The following ZFHX4 variants were observed in gnomAD, a reference collection of about 807,000 sequenced individuals.
ZFHX4 encodes the protein zinc finger homeobox protein 4.
A neutral mutation model predicts 267.6 loss-of-function variants in ZFHX4; 56 were observed. That is an observed-to-expected ratio of 0.21 (90% confidence interval 0.17 to 0.26). The LOEUF (loss-of-function observed/expected upper bound fraction) is 0.26, where lower values mean the gene tolerates loss of function less well. Ranked by LOEUF, ZFHX4 falls within the 10% of genes least tolerant of loss-of-function variation. The pLI, the probability that ZFHX4 is intolerant of heterozygous loss-of-function variation, is 1.00. For synonymous variants in ZFHX4, 1,778 were observed against 1,665.6 expected, an observed-to-expected ratio of 1.07 and a Z score of -1.64; for missense variants, 4,332 against 4,420.0, an observed-to-expected ratio of 0.98 and a Z score of 0.56.
chr8:76,835,245 A>ATATATGTATATATATATGTG (rs1195708125), intron 5 of ZFHX4, among the ~76,000 whole-genome samples: 6 of 129,154 alleles, frequency 4.6e-5, no homozygotes, highest in African/African-American at 1.5e-4. Flanking sequence ...ATATATGTAT[A>ATATATGTATATATATATGTG]TATATATATA....
Position 76,855,698 on chromosome 8 carries a change from G to A in ZFHX4, c.8777G>A (p.Arg2926Gln), listed in dbSNP as rs753591562. 6.2e-6 allele frequency: 10 copies of A among 1,613,786 alleles called. No individual in the cohort carries two copies. In the East Asian group the frequency reaches 1.3e-4, roughly 22 times the overall value. Residue 2926 changes from arginine (R) to glutamine (Q), a missense_variant, in exon 10 of 11, where the codon CGG (arginine) becomes CAG (glutamine). Arg to Gln is a conservative substitution (Grantham distance 43, BLOSUM62 1). Transcript: ENST00000651372. ...SNPFKSKSND[R>Q]PGHKRFRTQM... ...CCCTTTAAATCCAAAAGTAATGATC[G>A]GCCGGGTCACAAGCGTTTTCGAACG...
At chr8:76,758,978 A>G (rs1809837821) in intron 3 of ZFHX4, among the ~76,000 whole-genome samples, 1 of 152,228 alleles carries the variant, frequency 6.6e-6, no homozygotes, top group African/African-American at 2.4e-5. Context: ...ATCAGTTTTC[A>G]GTGATACAAT....
chr8:76,713,117 G>A lies in ZFHX4; in HGVS notation c.3093+5069G>A, dbSNP rs1223407628. 2.0e-5 allele frequency among the ~76,000 whole-genome samples: 3 copies of A among 152,066 alleles called. No individual in the cohort carries two copies. The South Asian group carries it at 6.2e-4, about 32-fold the overall frequency. On this transcript the variant is annotated intron_variant, in intron 3 of 10. Coordinates refer to ENST00000651372, the MANE Select transcript of ZFHX4 (RefSeq NM_024721.5). Reference sequence around the variant, plus strand: ...TTAAGCTTGACTTTTGCTGAAGCACGGCTATGTGTTATAACATGGCTACTT... The same window carrying A: ...TTAAGCTTGACTTTTGCTGAAGCACAGCTATGTGTTATAACATGGCTACTT...
Position 76,765,512 on chromosome 8 carries a change from A to C in ZFHX4, c.3094-12696A>C, listed in dbSNP as rs1810029484. On this transcript the variant is annotated intron_variant, in intron 3 of 10. Transcript: ENST00000651372. Reference sequence around the variant, plus strand: ...AGGTTAATATATATTGAATGAAATAAATTTATTTCCCCAATAAATGGCCTT... The same window carrying C: ...AGGTTAATATATATTGAATGAAATACATTTATTTCCCCAATAAATGGCCTT... Among the ~76,000 whole-genome samples, 2 of 152,134 alleles carry C rather than the reference A, an allele frequency of 1.3e-5. 1 individual carries two copies. Among genetic ancestry groups the C allele is most frequent in the Admixed American group, 1.3e-4 (2 of 15,256 alleles).
At chr8:76,850,470 G>C in intron 9 of ZFHX4, 108 bp downstream of exon 9, 1 of 904,778 alleles carries the variant, frequency 1.1e-6, no homozygotes. Context: ...AAGCATAGGG[G>C]AAAAATGTAT....
chr8:76,852,602 C>T lies in ZFHX4; in HGVS notation c.5681C>T (p.Ser1894Phe). The T allele has an allele frequency of 6.2e-7, 1 of 1,612,216 alleles. No homozygotes were observed. The highest frequency in any genetic ancestry group is 8.5e-7 in the Non-Finnish European group (1 of 1,178,958). ...AAGAAGCAAAAATCCTTGGAACCAT[C>T]CATCCCACCACCCCGAATAGCTTCA... ...DTKKQKSLEP[S>F]IPPPRIASGA... is the part of the protein sequence containing the mutation. Residue 1894 changes from serine to phenylalanine, a missense_variant, in exon 10 of 11, where the codon TCC (serine) becomes TTC (phenylalanine). Transcript: ENST00000651372.
At chr8:76,752,728 A>G (rs1686222997) in intron 3 of ZFHX4, among the ~76,000 whole-genome samples, 1 of 152,046 alleles carries the variant, frequency 6.6e-6, no homozygotes, top group Non-Finnish European at 1.5e-5. Flanking sequence ...CCCCACATTT[A>G]GCAGTACATA....
intron 3 of ZFHX4, among the ~76,000 whole-genome samples, chr8:76,772,478 G>A (rs1171673209): frequency 6.6e-6 from 1 of 150,568 alleles, no homozygotes; most frequent in Non-Finnish European, 1.5e-5. Context: ...GAGTAAGAGG[G>A]TTAAGAGAGT....
intron 3 of ZFHX4, among the ~76,000 whole-genome samples, chr8:76,761,838 CCT>C (rs1355039624): frequency 6.6e-6 from 1 of 152,122 alleles, no homozygotes. Context: ...AATCTCTTTG[CCT>C]CTGTACATAG....
At chr8:76,839,691 G>T (rs900106311) in intron 5 of ZFHX4, among the ~76,000 whole-genome samples, 1 of 152,048 alleles carries the variant, frequency 6.6e-6, no homozygotes, top group Non-Finnish European at 1.5e-5. Flanking sequence ...AATGAAAACC[G>T]CTTTGGCATC....
intron 5 of ZFHX4, among the ~76,000 whole-genome samples, chr8:76,838,210 C>T (rs151207193): frequency 9.9e-5 from 15 of 152,236 alleles, no homozygotes; most frequent in African/African-American, 2.4e-5. Flanking sequence ...CCAGGAACAT[C>T]GGGCATTACC....
At chr8:76,748,595 C>G (rs1413102697) in intron 3 of ZFHX4, among the ~76,000 whole-genome samples, 2 of 152,154 alleles carry the variant, frequency 1.3e-5, no homozygotes, top group African/African-American at 4.8e-5. Context: ...TCACCATAAC[C>G]TGGCTAGTTT....
At chr8:76,827,270 A>G (rs1413709439) in intron 4 of ZFHX4, among the ~76,000 whole-genome samples, 1 of 152,236 alleles carries the variant, frequency 6.6e-6, no homozygotes, top group African/African-American at 2.4e-5. Context: ...AATAGGGTTC[A>G]TGCTACTGTG....
rs938995756 is a variant in ZFHX4 at position 76,854,794 on chromosome 8, T to C, written c.7873T>C (p.Leu2625=). ...EQLEILYEKY[L]LDSNPTRKML... ...GCTGGAAATACTCTATGAAAAATAC[T>C]TGCTGGATTCCAATCCTACCAGAAA... The change falls in exon 10 of 11, where the codon TTG becomes CTG. Residue 2625 remains leucine (L), a synonymous_variant. Coordinates refer to ENST00000651372, the MANE Select transcript of ZFHX4 (RefSeq NM_024721.5). 1.2e-6 allele frequency: 2 copies of C among 1,610,660 alleles called. No homozygotes were observed. The highest frequency in any genetic ancestry group is 1.7e-5 in the Admixed American group (1 of 59,388).
intron 1 of ZFHX4, among the ~76,000 whole-genome samples, 167 bp downstream of exon 1, chr8:76,681,787 C>G (rs904178906): frequency 1.3e-5 from 2 of 152,082 alleles, no homozygotes; most frequent in Non-Finnish European, 2.9e-5. Context: ...TGCTCGCTGT[C>G]GCACACATCC....
At chr8:76,693,382 T>C (rs1416457825) in intron 1 of ZFHX4, 2 of 152,166 alleles carry the variant, frequency 1.3e-5, no homozygotes, top group Admixed American at 6.5e-5. Context: ...ATTAGAACCA[T>C]AGATTGTTGC....
At chr8:76,816,009 G>C (rs1811497547) in intron 4 of ZFHX4, among the ~76,000 whole-genome samples, 1 of 152,140 alleles carries the variant, frequency 6.6e-6, no homozygotes, top group Non-Finnish European at 1.5e-5. Flanking sequence ...CCTGTAATTT[G>C]ATGAAAATAA....
intron 3 of ZFHX4, among the ~76,000 whole-genome samples, chr8:76,742,041 T>A (rs1390249594): frequency 6.6e-6 from 1 of 152,238 alleles, no homozygotes; most frequent in Non-Finnish European, 1.5e-5. Context: ...CTGATTGGTT[T>A]GGGCACAGAG....
intron 4 of ZFHX4, among the ~76,000 whole-genome samples, chr8:76,785,693 A>G (rs1810669006): frequency 6.6e-6 from 1 of 152,172 alleles, no homozygotes; most frequent in African/African-American, 2.4e-5. Flanking sequence ...TTGAAATACA[A>G]AGACCTTCAG....
Sources: gnomAD v4.1 joint callset for allele counts (sites outside exome capture counted in the v4.1 genomes callset) on GRCh38, gnomAD v4.1.1 for gene constraint, MANE v1.5 for transcripts, NCBI Gene and HGNC (gene_info 2026-07-23, HGNC 2026-07-21) for gene names.